HOXB3: variants seen among roughly 807,000 people sequenced by gnomAD.
The protein encoded by HOXB3 is homeobox B3, also known as homeobox protein Hox-B3.
In HOXB3, 17 loss-of-function variants were observed where a neutral mutation model predicts 29.2. The ratio of observed to expected loss-of-function variants is 0.58; its 90% CI spans 0.40 to 0.87. HOXB3 has a LOEUF of 0.87. Among genes scored for constraint, HOXB3 ranks in the 40% least tolerant of loss-of-function variants. The pLI, the probability that HOXB3 is intolerant of heterozygous loss-of-function variation, is 0.00. For synonymous variants in HOXB3, 317 were observed against 285.9 expected (o/e 1.11, Z -1.10); for missense variants, 637 against 616.3 (o/e 1.03, Z -0.35).
intron 2 of HOXB3, among the ~76,000 whole-genome samples, chr17:48,559,232 C>G (rs568138733): frequency 1.3e-5 from 2 of 152,104 alleles, no homozygotes; most frequent in Non-Finnish European, 2.9e-5. Flanking sequence ...TAGACCTCGG[C>G]GGCGGGATCG....
In HOXB3 at chr17:48,552,571, A is replaced by ACCCCCCCCCC. The variant is rs59742556; in HGVS notation, c.-107_-98dup. The ACCCCCCCCCC allele has an allele frequency of 2.0e-5, 10 of 504,638 alleles. No homozygotes were observed. The highest frequency in any genetic ancestry group is 1.1e-4 in the Admixed American group (2 of 17,580). 31.3% of individuals were successfully genotyped at this position (504,638 alleles called of 1,614,324 possible). ...CCCTGGGGGTCACGTGACACGCCGG[A>ACCCCCCCCCC]CCCCCCCCCCCCACCTCCCCTCTCT... On this transcript the variant is annotated 5_prime_UTR_variant, in exon 4 of 5. The change creates a premature stop within an existing upstream ORF in the 5' untranslated region. Coordinates refer to ENST00000498678, the MANE Select transcript of HOXB3 (RefSeq NM_001384749.1).
At chr17:48,576,793 G>T in intron 1 of HOXB3, 1 of 1,614,202 alleles carries the variant, frequency 6.2e-7, no homozygotes, top group Non-Finnish European at 8.5e-7. Flanking sequence ...CCACCCGAGC[G>T]GATCTTGGTG....
intron 2 of HOXB3, among the ~76,000 whole-genome samples, chr17:48,571,102 T>TG (rs2069570772): frequency 6.6e-6 from 1 of 152,196 alleles, no homozygotes. Context: ...TTTCGGATCC[T>TG]GGGAATGTCC....
At position 48,573,963 on chromosome 17, in the gene HOXB3, G is replaced by A. The variant is rs944336454; in HGVS notation, c.-373C>T. On this transcript the variant is annotated 5_prime_UTR_variant, in exon 2 of 5. Coordinates refer to ENST00000498678, the MANE Select transcript of HOXB3 (RefSeq NM_001384749.1). ...CAAATTTTTTCCCCCTTGCAGATCC[G>A]GGAGAGACGGCTAACACTTTTTTCC... is the stretch of plus-strand genomic sequence containing the variant. 1.7e-4 allele frequency: 120 copies of A among 687,126 alleles called. 1 individual carries two copies. In the Admixed American group the frequency reaches 2.4e-3, roughly 14 times the overall value. 42.6% of individuals were successfully genotyped at this position (687,126 alleles called of 1,614,324 possible).
At chr17:48,568,026 T>A (rs1040317934) in intron 2 of HOXB3, among the ~76,000 whole-genome samples, 1 of 152,208 alleles carries the variant, frequency 6.6e-6, no homozygotes, top group Non-Finnish European at 1.5e-5. Flanking sequence ...GCTTTAATAA[T>A]GTAACGGAAC....
At chr17:48,586,194 C>T (rs557851055) in intron 1 of HOXB3, among the ~76,000 whole-genome samples, 3 of 152,278 alleles carry the variant, frequency 2.0e-5, no homozygotes, top group African/African-American at 7.2e-5. Context: ...GGAGAAGAGA[C>T]AAGAGAGGAG....
At chr17:48,579,899 C>T (rs2069889221) in intron 1 of HOXB3, 1 of 520,042 alleles carries the variant, frequency 1.9e-6, no homozygotes, top group African/African-American at 2.0e-5. Flanking sequence ...CCACAAAATT[C>T]CTTACACAAA....
At chr17:48,551,329 C>T (rs2068732792) in intron 4 of HOXB3, 148 bp from the exon 5 acceptor site, 1 of 945,368 alleles carries the variant, frequency 1.1e-6, no homozygotes, top group Non-Finnish European at 1.4e-6. Context: ...CCCGCCGCCT[C>T]CTCACTCCCC....
chr17:48,550,472 G>A lies in HOXB3; in HGVS notation c.1158C>T (p.Tyr386=), dbSNP rs767484249. ...TGGGCGCCATAGGGGGCGCCCCGTT[G>A]TAGTCCAGGTTCCCGGAAGGGTGAT... ...LSHHPSGNLD[Y]NGAPPMAPSQ... The change falls in exon 5 of 5, where the codon TAC becomes TAT. Residue 386 remains tyrosine, a synonymous_variant. Coordinates refer to ENST00000498678, the MANE Select transcript of HOXB3 (RefSeq NM_001384749.1). 5 of 1,611,110 alleles carry A rather than the reference G, an allele frequency of 3.1e-6. No homozygotes were observed. Among genetic ancestry groups the A allele is most frequent in the Non-Finnish European group, 4.2e-6 (5 of 1,179,430 alleles).
chr17:48,573,911 A>AG lies in HOXB3; in HGVS notation c.-322dup, dbSNP rs1295436321. ...GACGAAGGGCTTCTTCCAAACTGAGAGAAAAAAGTTTTCAACTTTATGGTT... is the reference window on the plus strand; with the variant it reads ...GACGAAGGGCTTCTTCCAAACTGAGAGGAAAAAAGTTTTCAACTTTATGGTT... On this transcript the variant is annotated 5_prime_UTR_variant, in exon 2 of 5. Coordinates refer to ENST00000498678, the MANE Select transcript of HOXB3 (RefSeq NM_001384749.1). 2 of 699,752 alleles carry AG rather than the reference A, an allele frequency of 2.9e-6. No homozygotes were observed. Among genetic ancestry groups the AG allele is most frequent in the South Asian group, 1.5e-5 (1 of 66,774 alleles). The allele number at this position is 699,752 out of a possible 1,614,324, so 43.3% of individuals were successfully genotyped here.
intron 1 of HOXB3, chr17:48,577,074 G>C: frequency 5.4e-6 from 8 of 1,478,408 alleles, no homozygotes; most frequent in Non-Finnish European, 7.2e-6. Flanking sequence ...CCCCGAAAGA[G>C]AGAGTCCTTT....
At position 48,554,631 on chromosome 17, in the gene HOXB3, A is replaced by C; in HGVS notation, c.-159+900T>G. 2 of 702,062 alleles carry C rather than the reference A, an allele frequency of 2.8e-6. No individual in the cohort carries two copies. Among genetic ancestry groups the C allele is most frequent in the Non-Finnish European group, 5.2e-6 (2 of 384,740 alleles). 43.5% of individuals were successfully genotyped at this position (702,062 alleles called of 1,614,324 possible). ...ACTGGCGACAAGCTACCAGCCACCT[A>C]CGATGGCCCAAGGAGGCGAAGAAGA... On this transcript the variant is annotated intron_variant, in intron 3 of 4. Coordinates refer to ENST00000498678, the MANE Select transcript of HOXB3 (RefSeq NM_001384749.1). The surrounding 1 kb of genome is among the most constrained non-coding windows in gnomAD (Gnocchi z 4.1).
rs771895258 is a variant in HOXB3 at position 48,577,965 on chromosome 17, G to A, written c.-424-3951C>T. 6.2e-5 allele frequency: 82 copies of A among 1,314,310 alleles called. No homozygotes were observed. Among genetic ancestry groups the A allele is most frequent in the Non-Finnish European group, 7.7e-5 (79 of 1,027,008 alleles). The allele number at this position is 1,314,310 out of a possible 1,614,324, so 81.4% of individuals were successfully genotyped here. On this transcript the variant is annotated intron_variant, in intron 1 of 4. Coordinates refer to ENST00000498678, the MANE Select transcript of HOXB3 (RefSeq NM_001384749.1). ...AGGGGGTTCTGGGCGCAGGGAGGCG[G>A]CGGGGGGCTGCTGCTGACCGCCTCG...
Position 48,550,486 on chromosome 17 carries a change from C to G in HOXB3, c.1144G>C (p.Gly382Arg). ...GLNHLSHHPS[G>R]NLDYNGAPPM... ...GGCGCCCCGTTGTAGTCCAGGTTCC[C>G]GGAAGGGTGATGGGAAAGGTGGTTG... Residue 382 changes from glycine to arginine, a missense_variant, in exon 5 of 5, where the codon GGG (glycine) becomes CGG (arginine). Transcript: ENST00000498678. 1 of 1,607,326 alleles carries G rather than the reference C, an allele frequency of 6.2e-7. No homozygotes were observed. The highest frequency in any genetic ancestry group is 8.5e-7 in the Non-Finnish European group (1 of 1,178,326).
chr17:48,551,923 G>T, intron 4 of HOXB3, 104 bp downstream of exon 4: 1 of 1,092,810 alleles, frequency 9.2e-7, no homozygotes, highest in Non-Finnish European at 1.3e-6. Context: ...ACCTAATATT[G>T]TTCCCAGGCA....
chr17:48,550,825 T>TGGGCTGCGGG lies in HOXB3; in HGVS notation c.795_804dup (p.Met269ProfsTer31). 6.2e-7 allele frequency: 1 copy of TGGGCTGCGGG among 1,613,666 alleles called. No homozygotes were observed. Among genetic ancestry groups the TGGGCTGCGGG allele is most frequent in the Non-Finnish European group, 8.5e-7 (1 of 1,179,836 alleles). ...TTCATGAAGCCGGCCGTGGACTGCA[T>TGGGCTGCGGG]GGGCTGCGGGGGGCTGCCGGCTGGA... On this transcript the variant is annotated frameshift_variant, in exon 5 of 5. Coordinates refer to ENST00000498678, the MANE Select transcript of HOXB3 (RefSeq NM_001384749.1). LOFTEE classifies it high-confidence loss of function.
chr17:48,575,618 C>T (rs548392955), intron 1 of HOXB3: 1 of 152,424 alleles, frequency 6.6e-6, no homozygotes, highest in Non-Finnish European at 1.5e-5. Context: ...TAGGAAGGGG[C>T]CTGGTTTTGG....
At chr17:48,579,862 C>T (rs1239825468) in intron 1 of HOXB3, 1 of 519,654 alleles carries the variant, frequency 1.9e-6, no homozygotes, top group African/African-American at 2.0e-5. Context: ...ATGTCAACTA[C>T]ATATTCCCCT....
At position 48,552,634 on chromosome 17, in the gene HOXB3, TGCGAG is replaced by T; in HGVS notation, c.-158-7_-158-3del. 1 of 556,664 alleles carries T rather than the reference TGCGAG, an allele frequency of 1.8e-6. No individual in the cohort carries two copies. Among genetic ancestry groups the T allele is most frequent in the Non-Finnish European group, 3.0e-6 (1 of 328,494 alleles). 34.5% of individuals were successfully genotyped at this position (556,664 alleles called of 1,614,324 possible). A position where few individuals can be genotyped will look rare whatever the true frequency, so the allele number is the denominator to read the frequency against. On this transcript the variant is annotated splice_polypyrimidine_tract_variant and splice_region_variant and intron_variant, in intron 3 of 4. Coordinates refer to ENST00000498678, the MANE Select transcript of HOXB3 (RefSeq NM_001384749.1). ...CGGGGTCTGTTCCAAGCGGCTGACC[TGCGAG>T]GCGAGAGAAGAGACACAAGGGGGAG...
Sources: allele counts gnomAD v4.1 joint callset (sites outside exome capture counted in the v4.1 genomes callset), GRCh38; gene constraint gnomAD v4.1.1; non-coding constraint Gnocchi (gnomAD v3.1); transcripts MANE v1.5; gene names NCBI Gene and HGNC (gene_info 2026-07-23, HGNC 2026-07-21).